Variants in DNM3 observed in about 807,000 individuals in gnomAD.
The protein encoded by DNM3 is dynamin 3, also known as dynamin-3.
Under a neutral mutation model 101.6 loss-of-function variants are expected in DNM3, and 47 were observed. The ratio of observed to expected loss-of-function variants is 0.46; its 90% CI spans 0.37 to 0.59. The LOEUF is 0.59. Among genes scored for constraint, DNM3 ranks in the 20% least tolerant of loss-of-function variants. The pLI, the probability that DNM3 is intolerant of heterozygous loss-of-function variation, is 0.00. For synonymous variants in DNM3, 385 were observed against 387.9 expected (o/e 0.99, Z 0.09); for missense variants, 849 against 1,085.7 (o/e 0.78, Z 3.06).
At chr1:172,337,866 TTTTTATTTTA>T (rs567308271) in intron 17 of DNM3, among the ~76,000 whole-genome samples, 13,915 of 112,816 alleles carry the variant, frequency 0.12, 1,324 homozygotes, top group African/African-American at 0.28. Flanking sequence ...TTTTATTTTA[TTTTTATTTTA>T]TTTTATTTTA....
chr1:171,982,402 A>G lies in DNM3; in HGVS notation c.236-5254A>G, dbSNP rs553398662. On this transcript the variant is annotated intron_variant, in intron 2 of 20. Coordinates refer to ENST00000627582, the MANE Select transcript of DNM3 (RefSeq NM_015569.5). ...GTCTCTGGAGCTAGGTAGAAGACAGATTACAGGTAGCCCTTTCCTGAAAAG... is the reference window on the plus strand; with the variant it reads ...GTCTCTGGAGCTAGGTAGAAGACAGGTTACAGGTAGCCCTTTCCTGAAAAG... Among the ~76,000 whole-genome samples, 6 of 152,188 alleles carry G rather than the reference A, an allele frequency of 3.9e-5. No homozygotes were observed. The South Asian group carries it at 1.0e-3, about 26-fold the overall frequency.
chr1:171,841,513 G>A lies in DNM3; in HGVS notation c.-144G>A. 8.5e-7 allele frequency: 1 copy of A among 1,182,740 alleles called. No homozygotes were observed. Among genetic ancestry groups the A allele is most frequent in the Non-Finnish European group, 1.1e-6 (1 of 886,118 alleles). The allele number at this position is 1,182,740 out of a possible 1,614,324, so 73.3% of individuals were successfully genotyped here. ...GTTAGCTGTCAGAGCCAAGCGGCGG[G>A]CTGGCGGCGGGCTCCGACGTCTGCG... On this transcript the variant is annotated 5_prime_UTR_variant, in exon 1 of 21. Coordinates refer to ENST00000627582, the MANE Select transcript of DNM3 (RefSeq NM_015569.5).
At chr1:172,054,902 T>C (rs1436597158) in intron 10 of DNM3, among the ~76,000 whole-genome samples, 4 of 152,062 alleles carry the variant, frequency 2.6e-5, no homozygotes, top group Non-Finnish European at 5.9e-5. Flanking sequence ...GCGGTTGCAG[T>C]GAGCCGAGAT....
chr1:171,846,848 C>A (rs2032187795), intron 1 of DNM3, among the ~76,000 whole-genome samples: 1 of 152,112 alleles, frequency 6.6e-6, no homozygotes, highest in Admixed American at 6.5e-5. Context: ...AAAAAAGGGG[C>A]CAACATTTGC....
intron 13 of DNM3, among the ~76,000 whole-genome samples, chr1:172,122,335 T>A (rs2056373436): frequency 6.6e-6 from 1 of 152,186 alleles, no homozygotes; most frequent in Non-Finnish European, 1.5e-5. Flanking sequence ...ATCCTTTACA[T>A]ATATTAACTC....
chr1:171,846,645 T>C (rs2032150023), intron 1 of DNM3, among the ~76,000 whole-genome samples: 1 of 152,246 alleles, frequency 6.6e-6, no homozygotes, highest in African/African-American at 2.4e-5. Context: ...TTTTTTCCTC[T>C]GCTACCAGAG....
intron 14 of DNM3, among the ~76,000 whole-genome samples, chr1:172,250,706 G>C (rs183961241): frequency 1.3e-5 from 2 of 152,076 alleles, no homozygotes; most frequent in Non-Finnish European, 2.9e-5. Flanking sequence ...AAAAGACGAT[G>C]GGTCAGAAAT....
chr1:172,290,338 G>T (rs1404456547), intron 15 of DNM3, among the ~76,000 whole-genome samples: 1 of 152,078 alleles, frequency 6.6e-6, no homozygotes, highest in Non-Finnish European at 1.5e-5. Flanking sequence ...CTTCTCTAGG[G>T]GATATTAGTG....
intron 14 of DNM3, among the ~76,000 whole-genome samples, chr1:172,231,974 A>G (rs898558119): frequency 2.0e-5 from 3 of 152,236 alleles, no homozygotes; most frequent in Admixed American, 6.5e-5. Context: ...TGACTGGTGT[A>G]CCTGAAAGTG....
intron 12 of DNM3, among the ~76,000 whole-genome samples, chr1:172,091,863 C>T (rs930375356): frequency 2.6e-5 from 4 of 151,990 alleles, no homozygotes; most frequent in Non-Finnish European, 5.9e-5. Flanking sequence ...TTACAGTAAT[C>T]CAGATGAGGG....
intron 20 of DNM3, among the ~76,000 whole-genome samples, chr1:172,407,526 T>C (rs571438185): frequency 1.3e-5 from 2 of 152,168 alleles, no homozygotes; most frequent in African/African-American, 4.8e-5. Context: ...TTCATATTTC[T>C]TATTAGTATT....
chr1:171,846,052 A>T lies in DNM3; in HGVS notation c.161+4235A>T, dbSNP rs185385897. Among the ~76,000 whole-genome samples, 27 of 152,298 alleles carry T rather than the reference A, an allele frequency of 1.8e-4. No individual in the cohort carries two copies. The East Asian group carries it at 4.8e-3, about 27-fold the overall frequency. On this transcript the variant is annotated intron_variant, in intron 1 of 20. Transcript: ENST00000627582. The stretch of plus-strand genomic sequence containing the variant: ...TGCTTCTAAGTATTATAGTTATTAG[A>T]TAAATGGTGCTTACAATTAAAATGT...
intron 16 of DNM3, among the ~76,000 whole-genome samples, chr1:172,312,392 A>G (rs574696612): frequency 6.6e-6 from 1 of 152,348 alleles, no homozygotes; most frequent in South Asian, 2.1e-4. Flanking sequence ...TCATTTTTAA[A>G]AATTGTGTAA....
intron 1 of DNM3, among the ~76,000 whole-genome samples, chr1:171,903,927 C>A (rs1052707967): frequency 6.6e-6 from 1 of 152,158 alleles, no homozygotes; most frequent in African/African-American, 2.4e-5. Context: ...GCACTACATT[C>A]ATTGTAACCA....
chr1:172,099,954 A>G (rs2054519985), intron 13 of DNM3, among the ~76,000 whole-genome samples: 1 of 152,234 alleles, frequency 6.6e-6, no homozygotes, highest in South Asian at 2.1e-4. Context: ...ATGACTGATA[A>G]TTCATTCCTT....
At chr1:172,128,605 A>C (rs1572632850) in intron 13 of DNM3, among the ~76,000 whole-genome samples, 1 of 152,230 alleles carries the variant, frequency 6.6e-6, no homozygotes, top group African/African-American at 2.4e-5. Flanking sequence ...AATTGTTTTA[A>C]ATTAATGAGA....
intron 10 of DNM3, among the ~76,000 whole-genome samples, chr1:172,067,624 C>T (rs1327165371): frequency 6.6e-6 from 1 of 152,158 alleles, no homozygotes; most frequent in African/African-American, 2.4e-5. Context: ...CACACCTTTG[C>T]CTGTCTAAGT....
intron 1 of DNM3, among the ~76,000 whole-genome samples, chr1:171,869,048 G>A (rs2035032656): frequency 6.6e-6 from 1 of 152,214 alleles, no homozygotes; most frequent in Admixed American, 6.5e-5. Flanking sequence ...CTCCCAAAGT[G>A]CTGGGATTAC....
chr1:171,879,467 G>A (rs2036070434), intron 1 of DNM3, among the ~76,000 whole-genome samples: 1 of 152,196 alleles, frequency 6.6e-6, no homozygotes, highest in South Asian at 2.1e-4. Context: ...ATGTTTCCAA[G>A]TAGTTGTCTT....
Sources: gnomAD v4.1 joint callset for allele counts (sites outside exome capture counted in the v4.1 genomes callset) on GRCh38, gnomAD v4.1.1 for gene constraint, MANE v1.5 for transcripts, NCBI Gene and HGNC (gene_info 2026-07-23, HGNC 2026-07-21) for gene names.